Variants in TACC2 observed in about 807,000 individuals in gnomAD.
TACC2 encodes the protein transforming acidic coiled-coil-containing protein 2.
TACC2 carries 137 observed loss-of-function variants against 227.3 expected under a neutral mutation model. The ratio of observed to expected loss-of-function variants is 0.60; its 90% CI spans 0.52 to 0.69. The LOEUF is 0.69. TACC2 is among the 30% of genes least tolerant of loss of function. The pLI is 0.00. For missense variants in TACC2, 3,470 were observed against 3,694.4 expected (o/e 0.94, Z 1.57); for synonymous variants, 1,523 against 1,487.5 (o/e 1.02, Z -0.55).
intron 2 of TACC2, 98 bp downstream of exon 2, chr10:122,022,112 C>T (rs778415700): frequency 9.1e-6 from 11 of 1,211,244 alleles, no homozygotes; most frequent in African/African-American, 3.0e-5. Context: ...CAGGAAGGAG[C>T]AAACAAGACA....
chr10:122,104,024 C>G (rs148963144), intron 5 of TACC2, among the ~76,000 whole-genome samples: 2,460 of 152,272 alleles, frequency 0.016, 18 homozygotes, highest in Middle Eastern at 0.02. Context: ...TTGTCCTTAT[C>G]TAGAAGGCAT....
chr10:122,234,097 C>T (rs1212346317), intron 16 of TACC2, among the ~76,000 whole-genome samples: 3 of 152,228 alleles, frequency 2.0e-5, no homozygotes, highest in Admixed American at 6.5e-5. Context: ...ATGGCTCTCC[C>T]AGCCTCGGAT....
chr10:122,062,609 A>C (rs182522300), intron 3 of TACC2, among the ~76,000 whole-genome samples: 9 of 152,206 alleles, frequency 5.9e-5, no homozygotes, highest in African/African-American at 1.9e-4. Context: ...CTACTGTGCC[A>C]GGCCCAGAGC....
In TACC2 at chr10:122,132,592, C is replaced by G; in HGVS notation, c.5574-17C>G. ...GAATGTTTCTGAGTTTAGGTTCTTT[C>G]CCTTTTCTCTCCCCAGTTCACCTGT... On this transcript the variant is annotated splice_polypyrimidine_tract_variant and intron_variant, in intron 5 of 22. Transcript: ENST00000369005. 1 of 1,613,962 alleles carries G rather than the reference C, an allele frequency of 6.2e-7. No homozygotes were observed. The highest frequency in any genetic ancestry group is 1.1e-5 in the South Asian group (1 of 91,050).
intron 5 of TACC2, among the ~76,000 whole-genome samples, chr10:122,100,884 C>G (rs1592003378): frequency 6.6e-6 from 1 of 152,150 alleles, no homozygotes; most frequent in African/African-American, 2.4e-5. Flanking sequence ...CTGGGTGACC[C>G]CTCTGCCTGC....
intron 8 of TACC2, among the ~76,000 whole-genome samples, chr10:122,202,781 G>A (rs1365740670): frequency 6.7e-6 from 1 of 150,300 alleles, no homozygotes. Context: ...AAGGTCTCCG[G>A]TTTTCCTAGG....
At position 122,058,922 on chromosome 10, in the gene TACC2, C is replaced by T. The variant is rs76369966; in HGVS notation, c.146+8372C>T. Among the ~76,000 whole-genome samples, 150 of 147,598 alleles carry T rather than the reference C, an allele frequency of 1.0e-3. 1 individual carries two copies. The highest frequency in any genetic ancestry group is 3.6e-3 in the African/African-American group (144 of 40,072). Reference sequence around the variant, plus strand: ...TTTTTTTTTTTTTGAGACACGGTTTCGTTTTTGGTGTCCATGATGGAGTGC... The same window carrying T: ...TTTTTTTTTTTTTGAGACACGGTTTTGTTTTTGGTGTCCATGATGGAGTGC... On this transcript the variant is annotated intron_variant, in intron 3 of 22. Coordinates refer to ENST00000369005, the MANE Select transcript of TACC2 (RefSeq NM_206862.4).
intron 5 of TACC2, among the ~76,000 whole-genome samples, chr10:122,098,573 T>A (rs2081753592): frequency 6.6e-6 from 1 of 152,200 alleles, no homozygotes; most frequent in African/African-American, 2.4e-5. Flanking sequence ...ATGTGTATAA[T>A]GCTAGGGTCC....
At position 122,005,756 on chromosome 10, in the gene TACC2, C is replaced by T. The variant is rs546085570; in HGVS notation, c.-45-16181C>T. Reference sequence around the variant, plus strand: ...TTGCCCAGGCTGGAGTGCAATAGCACGACCTTGGCTTACTGCAACCTCCAC... The same window carrying T: ...TTGCCCAGGCTGGAGTGCAATAGCATGACCTTGGCTTACTGCAACCTCCAC... On this transcript the variant is annotated intron_variant, in intron 1 of 22. Transcript: ENST00000369005. Among the ~76,000 whole-genome samples the T allele has an allele frequency of 4.1e-5, 6 of 147,028 alleles. No homozygotes were observed. In the South Asian group the frequency reaches 6.6e-4, roughly 16 times the overall value.
intron 3 of TACC2, chr10:122,078,967 C>T (rs918138116): frequency 6.6e-6 from 1 of 152,232 alleles, no homozygotes; most frequent in South Asian, 2.1e-4. Context: ...AATTTATCAT[C>T]TTGTTCCAGA....
intron 16 of TACC2, among the ~76,000 whole-genome samples, chr10:122,231,371 A>G (rs1055671061): frequency 6.6e-6 from 1 of 151,792 alleles, no homozygotes; most frequent in Admixed American, 6.6e-5. Context: ...TTGAACAAGT[A>G]GGTGAACCTC....
chr10:122,030,095 T>C (rs1015196256), intron 2 of TACC2, among the ~76,000 whole-genome samples: 1 of 152,158 alleles, frequency 6.6e-6, no homozygotes, highest in African/African-American at 2.4e-5. Context: ...TAAAGAATTA[T>C]CCAGCACAAA....
intron 1 of TACC2, among the ~76,000 whole-genome samples, chr10:122,012,418 C>CAAAAAAAAAAAAAAA (rs752342348): frequency 2.3e-4 from 14 of 60,722 alleles, no homozygotes; most frequent in Non-Finnish European, 3.8e-4. Context: ...GACTCCGTCT[C>CAAAAAAAAAAAAAAA]AAAAAAAAAA....
At chr10:122,062,985 C>T (rs2077002426) in intron 3 of TACC2, among the ~76,000 whole-genome samples, 1 of 152,134 alleles carries the variant, frequency 6.6e-6, no homozygotes, top group Non-Finnish European at 1.5e-5. Context: ...TTCTAGGTCA[C>T]ACAGACAGAA....
intron 7 of TACC2, among the ~76,000 whole-genome samples, chr10:122,179,428 A>G (rs2093881020): frequency 6.6e-6 from 1 of 152,244 alleles, no homozygotes; most frequent in African/African-American, 2.4e-5. Context: ...CCTGGTATCA[A>G]TTATAGCGCA....
intron 5 of TACC2, among the ~76,000 whole-genome samples, chr10:122,114,024 A>C (rs1458199668): frequency 6.6e-6 from 1 of 152,236 alleles, no homozygotes. Flanking sequence ...TGTTGTTGCT[A>C]TCTTCAGGCT....
At position 122,195,122 on chromosome 10, in the gene TACC2, C is replaced by T. The variant is rs776893320; in HGVS notation, c.5917C>T (p.Pro1973Ser). The T allele has an allele frequency of 4.3e-6, 7 of 1,613,418 alleles. No homozygotes were observed. The highest frequency in any genetic ancestry group is 2.7e-5 in the African/African-American group (2 of 74,898). The part of the protein sequence containing the change: ...KAPPAPPPPP[P>S]EVIPEPEVST... ...TCCGCCAGCTCCACCCCCACCACCCCCCGAAGTCATCCCAGAACCCGAGGT... is the reference window on the plus strand; with the variant it reads ...TCCGCCAGCTCCACCCCCACCACCCTCCGAAGTCATCCCAGAACCCGAGGT... The change falls in exon 8 of 23, where the codon CCC becomes TCC. Residue 1973 changes from proline to serine, a missense_variant. Pro to Ser is a moderately conservative substitution (Grantham distance 74). Coordinates refer to ENST00000369005, the MANE Select transcript of TACC2 (RefSeq NM_206862.4).
chr10:122,028,792 C>CCTCCT (rs1215955190), intron 2 of TACC2, among the ~76,000 whole-genome samples: 1 of 76,068 alleles, frequency 1.3e-5, no homozygotes, highest in African/African-American at 5.7e-5. Context: ...GCTCCCCTCC[C>CCTCCT]CTCCCCTCCT....
chr10:122,159,517 T>C (rs907673557), intron 7 of TACC2, among the ~76,000 whole-genome samples: 1 of 152,150 alleles, frequency 6.6e-6, no homozygotes, highest in Non-Finnish European at 1.5e-5. Flanking sequence ...AGTGCAGGGC[T>C]CGGGCGTTCA....
Sources: gnomAD v4.1 joint callset for allele counts (sites outside exome capture counted in the v4.1 genomes callset) on GRCh38, gnomAD v4.1.1 for gene constraint, MANE v1.5 for transcripts, NCBI Gene and HGNC (gene_info 2026-07-23, HGNC 2026-07-21) for gene names.